ERC2: variants seen among roughly 807,000 people sequenced by gnomAD.
ERC2 encodes the protein ERC protein 2.
Under a neutral mutation model 114.8 loss-of-function variants are expected in ERC2, and 42 were observed. That is an observed-to-expected ratio of 0.37 (90% confidence interval 0.29 to 0.47). ERC2 has a LOEUF of 0.47. Ranked by LOEUF, ERC2 falls within the 20% of genes least tolerant of loss-of-function variation. ERC2 has a pLI of 0.99. For missense variants in ERC2, 939 were observed against 1,150.7 expected, an observed-to-expected ratio of 0.82 and a Z score of 2.66; for synonymous variants, 454 against 425.5, an observed-to-expected ratio of 1.07 and a Z score of -0.82.
chr3:55,811,674 A>G (rs1420178320), intron 14 of ERC2, among the ~76,000 whole-genome samples: 1 of 152,002 alleles, frequency 6.6e-6, no homozygotes, highest in Non-Finnish European at 1.5e-5. Flanking sequence ...CCTGCTCTTT[A>G]TCTTCCAGAA....
intron 5 of ERC2, among the ~76,000 whole-genome samples, chr3:56,144,215 G>A (rs2081020454): frequency 6.6e-6 from 1 of 152,156 alleles, no homozygotes; most frequent in Non-Finnish European, 1.5e-5. Flanking sequence ...ATAATTTAAT[G>A]AATCATGAGT....
At chr3:56,158,524 G>T in intron 4 of ERC2, among the ~76,000 whole-genome samples, 1 of 152,048 alleles carries the variant, frequency 6.6e-6, no homozygotes, top group East Asian at 1.9e-4. Flanking sequence ...GAGAGGCAAA[G>T]GATTCCTTGA....
chr3:56,407,734 C>A (rs1180773810), intron 2 of ERC2, among the ~76,000 whole-genome samples: 1 of 152,134 alleles, frequency 6.6e-6, no homozygotes, highest in Non-Finnish European at 1.5e-5. Context: ...TCCTGATGCC[C>A]AGAACAGGTC....
chr3:56,445,932 TGCTATCTTTTTTCTTTTTATAAGAGAA>T (rs949477917), intron 1 of ERC2, among the ~76,000 whole-genome samples: 2 of 151,980 alleles, frequency 1.3e-5, no homozygotes, highest in East Asian at 1.9e-4. Flanking sequence ...GTGAAAGACA[TGCTATCTTTTTTCTTTTTATAAGAGAA>T]GCTGACTGGC....
intron 14 of ERC2, among the ~76,000 whole-genome samples, chr3:55,860,102 A>C (rs1163370729): frequency 6.6e-6 from 1 of 152,110 alleles, no homozygotes; most frequent in African/African-American, 2.4e-5. Context: ...CCTCAGCCCC[A>C]TACTTAGGCC....
chr3:55,540,630 G>C (rs1795626), intron 17 of ERC2, among the ~76,000 whole-genome samples: 1 of 152,186 alleles, frequency 6.6e-6, no homozygotes, highest in African/African-American at 2.4e-5. Context: ...AGGTGAACCA[G>C]AGTATTTTGG....
intron 15 of ERC2, among the ~76,000 whole-genome samples, chr3:55,729,438 AC>A (rs1159522334): frequency 6.6e-6 from 1 of 152,100 alleles, no homozygotes; most frequent in African/African-American, 2.4e-5. Context: ...CCCTGATCCT[AC>A]CCTGGAACTC....
intron 13 of ERC2, among the ~76,000 whole-genome samples, chr3:55,927,880 T>C (rs1344300277): frequency 2.6e-5 from 4 of 152,330 alleles, no homozygotes; most frequent in African/African-American, 9.6e-5. Flanking sequence ...GTGCCTGGCT[T>C]ATTTTACATC....
intron 16 of ERC2, among the ~76,000 whole-genome samples, chr3:55,691,437 A>C (rs1016400060): frequency 1.3e-5 from 2 of 151,204 alleles, no homozygotes; most frequent in African/African-American, 4.9e-5. Flanking sequence ...CATCAGCACC[A>C]ATAAGAGGTT....
At chr3:56,370,103 G>A (rs1002630005) in intron 2 of ERC2, among the ~76,000 whole-genome samples, 3 of 152,134 alleles carry the variant, frequency 2.0e-5, no homozygotes, top group Admixed American at 1.3e-4. Context: ...AATTGCTAAG[G>A]CTGTATGTCA....
intron 7 of ERC2, among the ~76,000 whole-genome samples, chr3:56,059,037 T>G (rs2076131566): frequency 6.6e-6 from 1 of 152,172 alleles, no homozygotes; most frequent in Non-Finnish European, 1.5e-5. Context: ...TAAGGCTTCA[T>G]GTGCTCTTGT....
intron 14 of ERC2, among the ~76,000 whole-genome samples, chr3:55,782,627 C>A (rs188439576): frequency 6.6e-6 from 1 of 152,224 alleles, no homozygotes; most frequent in Admixed American, 6.5e-5. Context: ...AAAATAAAAA[C>A]AAGCAAACAA....
chr3:56,207,523 T>C (rs1247073084), intron 3 of ERC2, among the ~76,000 whole-genome samples: 1 of 152,186 alleles, frequency 6.6e-6, no homozygotes, highest in Non-Finnish European at 1.5e-5. Flanking sequence ...TCCCATTAAC[T>C]ATTCCTCAAA....
chr3:55,882,870 C>T (rs1392830745), intron 14 of ERC2, among the ~76,000 whole-genome samples: 2 of 152,194 alleles, frequency 1.3e-5, no homozygotes, highest in African/African-American at 4.8e-5. Context: ...CAGGAAAATA[C>T]ACCACACTTT....
At chr3:56,387,771 AG>A (rs2059987061) in intron 2 of ERC2, among the ~76,000 whole-genome samples, 1 of 152,134 alleles carries the variant, frequency 6.6e-6, no homozygotes, top group African/African-American at 2.4e-5. Flanking sequence ...TGTCCTTGCA[AG>A]ATGCGTATGA....
chr3:56,295,780 T>G (rs1006280721), intron 3 of ERC2, among the ~76,000 whole-genome samples: 30 of 152,228 alleles, frequency 2.0e-4, no homozygotes, highest in Non-Finnish European at 4.1e-4. Flanking sequence ...ACAGTTGATA[T>G]GTCCTGTATA....
intron 17 of ERC2, among the ~76,000 whole-genome samples, chr3:55,654,545 G>A (rs1330924311): frequency 1.3e-5 from 2 of 152,254 alleles, no homozygotes; most frequent in Admixed American, 6.5e-5. Flanking sequence ...TGCAGAAAAC[G>A]GTTGCAGAGT....
intron 14 of ERC2, among the ~76,000 whole-genome samples, chr3:55,767,380 G>A (rs757335783): frequency 2.0e-5 from 3 of 152,114 alleles, no homozygotes; most frequent in African/African-American, 4.8e-5. Flanking sequence ...CAGAGGCTTC[G>A]GCAAGGCCAC....
chr3:55,654,278 G>A (rs1007818814), intron 17 of ERC2, among the ~76,000 whole-genome samples: 3 of 152,194 alleles, frequency 2.0e-5, no homozygotes, highest in Non-Finnish European at 4.4e-5. Flanking sequence ...ATTTCAGAAG[G>A]TGCACTGTCT....
Sources: allele counts gnomAD v4.1 joint callset (sites outside exome capture counted in the v4.1 genomes callset), GRCh38; gene constraint gnomAD v4.1.1; transcripts MANE v1.5; gene names NCBI Gene and HGNC (gene_info 2026-07-23, HGNC 2026-07-21).